Variants in PALS2 observed in about 807,000 individuals in gnomAD.
PALS2 encodes protein associated with LIN7 2, MAGUK p55 family member.
Under a neutral mutation model 61.6 loss-of-function variants are expected in PALS2, and 27 were observed. That is an observed-to-expected ratio of 0.44 (90% confidence interval 0.32 to 0.60). The LOEUF (loss-of-function observed/expected upper bound fraction) is 0.60, where lower values mean the gene tolerates loss of function less well. Among genes scored for constraint, PALS2 ranks in the 20% least tolerant of loss-of-function variants. The pLI, the probability that PALS2 is intolerant of heterozygous loss-of-function variation, is 0.05. For missense variants in PALS2, 554 were observed against 639.4 expected, an observed-to-expected ratio of 0.87 and a Z score of 1.44; for synonymous variants, 236 against 218.6, an observed-to-expected ratio of 1.08 and a Z score of -0.70.
intron 11 of PALS2, among the ~76,000 whole-genome samples, chr7:24,686,811 A>G (rs1040887629): frequency 2.0e-5 from 3 of 152,222 alleles, no homozygotes; most frequent in Admixed American, 2.0e-4. Flanking sequence ...GAAAAGCTTT[A>G]CTTATGTAGA....
At chr7:24,649,544 A>G (rs1786029452) in intron 3 of PALS2, 68 bp from the exon 4 acceptor site, 1 of 1,383,734 alleles carries the variant, frequency 7.2e-7, no homozygotes, top group Non-Finnish European at 9.5e-7. Flanking sequence ...TGAAATAACA[A>G]AGTACTTTTA....
chr7:24,659,273 A>G (rs145951499), intron 5 of PALS2, among the ~76,000 whole-genome samples: 24 of 152,222 alleles, frequency 1.6e-4, no homozygotes, highest in African/African-American at 5.3e-4. Context: ...GGTTGATTTC[A>G]TATCTTTGCT....
chr7:24,573,752 C>A lies in PALS2; in HGVS notation c.-3+159C>A, dbSNP rs1250240186. Among the ~76,000 whole-genome samples, 1 of 144,622 alleles carries A rather than the reference C, an allele frequency of 6.9e-6. No homozygotes were observed. Among genetic ancestry groups the A allele is most frequent in the African/African-American group, 2.5e-5 (1 of 40,392 alleles). 94.9% of individuals were successfully genotyped at this position (144,622 alleles called of 152,430 possible). A position where few individuals can be genotyped will look rare whatever the true frequency, so the allele number is the denominator to read the frequency against. ...CTTCGGCGGGCGCGGGGAAGAGGGACCGGCAGGCGGCGGCGGCGGCGCCGC... is the reference window on the plus strand; with the variant it reads ...CTTCGGCGGGCGCGGGGAAGAGGGAACGGCAGGCGGCGGCGGCGGCGCCGC... On this transcript the variant is annotated intron_variant, in intron 1 of 11. Transcript: ENST00000222644. The surrounding 1 kb of genome is among the most constrained non-coding windows in gnomAD (Gnocchi z 5.3).
intron 6 of PALS2, 98 bp from the exon 7 acceptor site, chr7:24,665,490 A>G: frequency 9.6e-7 from 1 of 1,039,710 alleles, no homozygotes; most frequent in Non-Finnish European, 1.5e-6. Flanking sequence ...TTTAAGAGCA[A>G]ATGTGACTTT....
intron 11 of PALS2, among the ~76,000 whole-genome samples, chr7:24,684,976 G>T (rs572284907): frequency 6.6e-6 from 1 of 151,694 alleles, no homozygotes; most frequent in South Asian, 2.1e-4. Context: ...TTAAGTTCCG[G>T]GGTGCATGTA....
chr7:24,645,236 G>T (rs1423604838), intron 3 of PALS2, among the ~76,000 whole-genome samples: 1 of 151,912 alleles, frequency 6.6e-6, no homozygotes. Flanking sequence ...TATTGCGCAG[G>T]TTGTCTTCTG....
intron 5 of PALS2, among the ~76,000 whole-genome samples, chr7:24,652,522 G>A (rs770775110): frequency 1.3e-5 from 2 of 151,986 alleles, no homozygotes; most frequent in African/African-American, 2.4e-5. Flanking sequence ...AGCCTGAGGC[G>A]TGTCCTCCCA....
intron 5 of PALS2, among the ~76,000 whole-genome samples, chr7:24,656,157 A>G (rs1312431622): frequency 1.3e-5 from 2 of 152,176 alleles, no homozygotes; most frequent in Non-Finnish European, 2.9e-5. Context: ...GCCTGGAACT[A>G]TGGTTTAAGA....
At position 24,692,915 on chromosome 7, in the gene PALS2, A is replaced by G. The variant is rs1788541307; in HGVS notation, c.*5301A>G. The G allele has an allele frequency of 6.6e-6, 1 of 152,186 alleles. No homozygotes were observed. The highest frequency in any genetic ancestry group is 2.4e-5 in the African/African-American group (1 of 41,458). 9.4% of individuals were successfully genotyped at this position (152,186 alleles called of 1,614,324 possible). A position where few individuals can be genotyped will look rare whatever the true frequency, so the allele number is the denominator to read the frequency against. On this transcript the variant is annotated 3_prime_UTR_variant, in exon 12 of 12. Transcript: ENST00000222644. The stretch of plus-strand genomic sequence containing the variant: ...TTTCTTTATAGAAAGAAACATTCAC[A>G]GTGAGGTCTTAGTTTGTGAACCTCA...
At position 24,687,673 on chromosome 7, in the gene PALS2, A is replaced by G; in HGVS notation, c.*59A>G. ...CTTAAAAAGTGACTGCAACAAATAA[A>G]CCTTCTACTGAGAAAATACATCACA... is the stretch of plus-strand genomic sequence containing the variant. On this transcript the variant is annotated 3_prime_UTR_variant, in exon 12 of 12. Coordinates refer to ENST00000222644, the MANE Select transcript of PALS2 (RefSeq NM_001303037.2). The surrounding 1 kb of genome is among the most constrained non-coding windows in gnomAD (Gnocchi z 4.5). 1 of 1,470,098 alleles carries G rather than the reference A, an allele frequency of 6.8e-7. No individual in the cohort carries two copies. Among genetic ancestry groups the G allele is most frequent in the Non-Finnish European group, 9.1e-7 (1 of 1,092,972 alleles). The allele number at this position is 1,470,098 out of a possible 1,614,324, so 91.1% of individuals were successfully genotyped here.
At chr7:24,588,436 C>G (rs1050899259) in intron 1 of PALS2, among the ~76,000 whole-genome samples, 1 of 152,132 alleles carries the variant, frequency 6.6e-6, no homozygotes, top group African/African-American at 2.4e-5. Context: ...AGGCATCACT[C>G]TATTTTTAAA....
chr7:24,689,859 C>A lies in PALS2; in HGVS notation c.*2245C>A, dbSNP rs1182137675. 1 of 152,144 alleles carries A rather than the reference C, an allele frequency of 6.6e-6. No homozygotes were observed. The highest frequency in any genetic ancestry group is 1.9e-4 in the East Asian group (1 of 5,198). The allele number at this position is 152,144 out of a possible 1,614,324, so 9.4% of individuals were successfully genotyped here. On this transcript the variant is annotated 3_prime_UTR_variant, in exon 12 of 12. Transcript: ENST00000222644. Reference sequence around the variant, plus strand: ...CTTCACTCAGGAAATGTGCTGTATTCTCTAATGTACTTTCATGCTGCAGCA... The same window carrying A: ...CTTCACTCAGGAAATGTGCTGTATTATCTAATGTACTTTCATGCTGCAGCA...
At chr7:24,682,745 C>T (rs770817916) in intron 11 of PALS2, among the ~76,000 whole-genome samples, 2 of 152,098 alleles carry the variant, frequency 1.3e-5, no homozygotes, top group Non-Finnish European at 2.9e-5. Flanking sequence ...TTCTCACTGC[C>T]ACCCTCCCTT....
rs191213642 is a variant in PALS2 at position 24,647,886 on chromosome 7, A to C, written c.271-1726A>C. On this transcript the variant is annotated intron_variant, in intron 3 of 11. Transcript: ENST00000222644. ...GACGAGTTGTGGGCAAATTTTTACT[A>C]TAAAAATCTGAAGCACATGAGATTT... 5.3e-5 allele frequency among the ~76,000 whole-genome samples: 8 copies of C among 152,186 alleles called. No individual in the cohort carries two copies. The East Asian group carries it at 1.2e-3, about 22-fold the overall frequency.
chr7:24,609,325 TC>T (rs1784033297), intron 1 of PALS2, among the ~76,000 whole-genome samples: 1 of 152,154 alleles, frequency 6.6e-6, no homozygotes, highest in South Asian at 2.1e-4. Flanking sequence ...GGTGGGTTTG[TC>T]CTCAGGCAGA....
At chr7:24,648,989 T>C (rs778332277) in intron 3 of PALS2, among the ~76,000 whole-genome samples, 2 of 151,326 alleles carry the variant, frequency 1.3e-5, no homozygotes, top group Non-Finnish European at 2.9e-5. Context: ...GTATAGGAGG[T>C]AAAAAAAATA....
chr7:24,575,478 CTCTT>C (rs888386460), intron 1 of PALS2, among the ~76,000 whole-genome samples: 8 of 152,122 alleles, frequency 5.3e-5, no homozygotes, highest in Non-Finnish European at 1.0e-4. Context: ...GCCTGCTTCT[CTCTT>C]TCTCTCCCCA....
At chr7:24,632,103 T>G (rs1012221721) in intron 2 of PALS2, among the ~76,000 whole-genome samples, 5 of 152,170 alleles carry the variant, frequency 3.3e-5, no homozygotes, top group Admixed American at 2.0e-4. Flanking sequence ...CTGTCAGATT[T>G]TACCTCCCAT....
At chr7:24,626,648 A>G (rs1583896841) in intron 2 of PALS2, among the ~76,000 whole-genome samples, 2 of 152,204 alleles carry the variant, frequency 1.3e-5, no homozygotes, top group South Asian at 2.1e-4. Flanking sequence ...ATGTGCAGTG[A>G]CACACATAGG....
Sources: allele counts gnomAD v4.1 joint callset (sites outside exome capture counted in the v4.1 genomes callset), GRCh38; gene constraint gnomAD v4.1.1; non-coding constraint Gnocchi (gnomAD v3.1); transcripts MANE v1.5; gene names NCBI Gene and HGNC (gene_info 2026-07-23, HGNC 2026-07-21).